CDC42SE2: variants seen among roughly 807,000 people sequenced by gnomAD.
The protein encoded by CDC42SE2 is CDC42 small effector 2, also known as CDC42 small effector protein 2.
Under a neutral mutation model 11.5 loss-of-function variants are expected in CDC42SE2, and 3 were observed. The ratio of observed to expected loss-of-function variants is 0.26; its 90% CI spans 0.12 to 0.67. The LOEUF (loss-of-function observed/expected upper bound fraction) is 0.67. Among genes scored for constraint, CDC42SE2 ranks in the 30% least tolerant of loss-of-function variants. The pLI is 0.80. For synonymous variants in CDC42SE2, 33 were observed against 34.8 expected, an observed-to-expected ratio of 0.95 and a Z score of 0.18; for missense variants, 82 against 106.8, an observed-to-expected ratio of 0.77 and a Z score of 1.02.
intron 1 of CDC42SE2, among the ~76,000 whole-genome samples, chr5:131,309,974 C>G (rs969732386): frequency 7.9e-5 from 12 of 152,034 alleles, no homozygotes; most frequent in Non-Finnish European, 1.0e-4. Flanking sequence ...TTAGTTATTT[C>G]TTGCCTTCTT....
chr5:131,292,545 G>A (rs1277366071), intron 1 of CDC42SE2, among the ~76,000 whole-genome samples: 1 of 130,428 alleles, frequency 7.7e-6, no homozygotes, highest in Non-Finnish European at 1.6e-5. Flanking sequence ...GGGTGACAGA[G>A]TGAGACTCCA....
At position 131,391,519 on chromosome 5, in the gene CDC42SE2, AAAATTAGCTGGGCATGGTGGCGCATG is replaced by A. The variant is rs1750651997; in HGVS notation, c.*429_*454del. The A allele has an allele frequency of 6.6e-6, 1 of 152,460 alleles. No individual in the cohort carries two copies. Among genetic ancestry groups the A allele is most frequent in the Non-Finnish European group, 1.5e-5 (1 of 68,242 alleles). 9.4% of individuals were successfully genotyped at this position (152,460 alleles called of 1,614,324 possible). A position where few individuals can be genotyped will look rare whatever the true frequency, so the allele number is the denominator to read the frequency against. ...AAACCCCATCTCTACTAAAAATACA[AAAATTAGCTGGGCATGGTGGCGCATG>A]CCTGTAATCGCAGCTACTCAGGAGG... On this transcript the variant is annotated 3_prime_UTR_variant, in exon 5 of 5. Coordinates refer to ENST00000505065, the MANE Select transcript of CDC42SE2 (RefSeq NM_001375635.1).
intron 1 of CDC42SE2, among the ~76,000 whole-genome samples, chr5:131,297,390 A>G (rs1210417403): frequency 1.3e-5 from 2 of 152,074 alleles, no homozygotes; most frequent in East Asian, 3.8e-4. Context: ...ACATGAGAAA[A>G]CAAATATTTG....
At chr5:131,370,048 T>C (rs953845728) in intron 3 of CDC42SE2, among the ~76,000 whole-genome samples, 2 of 152,152 alleles carry the variant, frequency 1.3e-5, no homozygotes, top group African/African-American at 2.4e-5. Context: ...AGGGCTTAGT[T>C]TTTTAAAAGA....
the CDC42SE2 span, among the ~76,000 whole-genome samples, chr5:131,218,223 A>G: frequency 2.0e-5 from 3 of 151,940 alleles, no homozygotes. Context: ...AAAAAGAAAA[A>G]TGAGCATAAG....
chr5:131,359,583 G>T (rs1749650597), intron 3 of CDC42SE2, 36 bp downstream of exon 3: 1 of 1,536,082 alleles, frequency 6.5e-7, no homozygotes, highest in African/African-American at 1.4e-5. Context: ...CAGGTGGGGT[G>T]CTTATTAAAC....
intron 2 of CDC42SE2, among the ~76,000 whole-genome samples, chr5:131,334,932 G>A (rs530361994): frequency 6.6e-6 from 1 of 152,196 alleles, no homozygotes; most frequent in South Asian, 2.1e-4. Context: ...TGGATTCATT[G>A]ATTTTTTGAA....
chr5:131,316,588 G>T (rs1238260540), intron 2 of CDC42SE2, among the ~76,000 whole-genome samples: 1 of 152,128 alleles, frequency 6.6e-6, no homozygotes, highest in Non-Finnish European at 1.5e-5. Flanking sequence ...AGAGGCTTTT[G>T]GGGAAATCTT....
chr5:131,386,548 C>T (rs1261642221), intron 4 of CDC42SE2, among the ~76,000 whole-genome samples: 1 of 152,178 alleles, frequency 6.6e-6, no homozygotes, highest in African/African-American at 2.4e-5. Flanking sequence ...GATTTATTCG[C>T]TGTCTTTTAA....
At chr5:131,282,820 G>A (rs1757264491) in intron 1 of CDC42SE2, among the ~76,000 whole-genome samples, 2 of 151,256 alleles carry the variant, frequency 1.3e-5, no homozygotes, top group Non-Finnish European at 2.9e-5. Flanking sequence ...TAGTAGAGAC[G>A]GGGTTTCACC....
At chr5:131,291,008 T>C (rs981348421) in intron 1 of CDC42SE2, among the ~76,000 whole-genome samples, 7 of 152,146 alleles carry the variant, frequency 4.6e-5, no homozygotes, top group Admixed American at 6.6e-5. Flanking sequence ...TCGGTCAATA[T>C]AAAAACTCTT....
intron 3 of CDC42SE2, among the ~76,000 whole-genome samples, chr5:131,360,519 C>T (rs1306310103): frequency 1.3e-5 from 2 of 152,196 alleles, no homozygotes; most frequent in Non-Finnish European, 2.9e-5. Flanking sequence ...ATTCCCACAG[C>T]TCTTTAGTTC....
intron 1 of CDC42SE2, among the ~76,000 whole-genome samples, chr5:131,293,839 G>T (rs1327115567): frequency 6.6e-6 from 1 of 152,134 alleles, no homozygotes; most frequent in African/African-American, 2.4e-5. Context: ...TTAGGCCCTG[G>T]TGTGCCAGGT....
At chr5:131,278,542 T>C (rs925984682) in intron 1 of CDC42SE2, among the ~76,000 whole-genome samples, 1 of 151,028 alleles carries the variant, frequency 6.6e-6, no homozygotes. Context: ...AAACTGGCCA[T>C]GGTGGGACAT....
At chr5:131,231,504 C>T in the CDC42SE2 span, among the ~76,000 whole-genome samples, 2 of 152,134 alleles carry the variant, frequency 1.3e-5, no homozygotes, top group Admixed American at 6.6e-5. Context: ...TGGTTTCTTT[C>T]GGTCTGGGCC....
chr5:131,335,246 G>A (rs534026242), intron 2 of CDC42SE2, among the ~76,000 whole-genome samples: 99 of 152,346 alleles, frequency 6.5e-4, no homozygotes, highest in African/African-American at 2.3e-3. Flanking sequence ...TTCAGGAACA[G>A]GTTGTTCAGT....
the CDC42SE2 span, among the ~76,000 whole-genome samples, chr5:131,221,952 T>A: frequency 1.3e-5 from 2 of 152,250 alleles, no homozygotes; most frequent in African/African-American, 4.8e-5. Flanking sequence ...TTCATATGTA[T>A]ACCTGAAGTC....
chr5:131,266,377 A>C (rs901063334), intron 1 of CDC42SE2, among the ~76,000 whole-genome samples: 3 of 151,740 alleles, frequency 2.0e-5, no homozygotes, highest in African/African-American at 7.3e-5. Context: ...TGCTTATAAT[A>C]CTTAATACAT....
chr5:131,251,538 A>G (rs1246321387), intron 1 of CDC42SE2, among the ~76,000 whole-genome samples: 1 of 152,198 alleles, frequency 6.6e-6, no homozygotes, highest in Non-Finnish European at 1.5e-5. Flanking sequence ...AAGATAGAAT[A>G]TGCAATTTTA....
Sources: allele counts gnomAD v4.1 joint callset (sites outside exome capture counted in the v4.1 genomes callset), GRCh38; gene constraint gnomAD v4.1.1; transcripts MANE v1.5; gene names NCBI Gene and HGNC (gene_info 2026-07-23, HGNC 2026-07-21).